TYW1: variants seen among roughly 807,000 people sequenced by gnomAD.
TYW1 encodes tRNA-yW synthesizing protein 1 homolog.
TYW1 carries 46 observed loss-of-function variants against 96.2 expected under a neutral mutation model. The ratio of observed to expected loss-of-function variants is 0.48; its 90% CI spans 0.38 to 0.61. The LOEUF is 0.61. TYW1 is among the 20% of genes least tolerant of loss of function. TYW1 has a pLI of 0.00. For synonymous variants in TYW1, 274 were observed against 323.0 expected, an observed-to-expected ratio of 0.85 and a Z score of 1.63; for missense variants, 684 against 909.6, an observed-to-expected ratio of 0.75 and a Z score of 3.19.
At chr7:67,041,692 G>A (rs1055596199) in intron 7 of TYW1, among the ~76,000 whole-genome samples, 1 of 152,160 alleles carries the variant, frequency 6.6e-6, no homozygotes, top group African/African-American at 2.4e-5. Context: ...TGCCTTAGTT[G>A]TTACTGTCGA....
chr7:67,175,678 G>C lies in TYW1; in HGVS notation c.1699-7448G>C, dbSNP rs532667200. On this transcript the variant is annotated intron_variant, in intron 13 of 15. Transcript: ENST00000359626. The stretch of plus-strand genomic sequence containing the variant: ...TTTATGATGTCATAATAAAAAGAAA[G>C]CTGGTAGGATAAGGTTAATAGATGC... Among the ~76,000 whole-genome samples the C allele has an allele frequency of 2.6e-5, 4 of 152,272 alleles. No homozygotes were observed. The East Asian group carries it at 7.7e-4, about 29-fold the overall frequency.
At chr7:67,230,523 CCT>C (rs959228357) in intron 15 of TYW1, among the ~76,000 whole-genome samples, 8 of 152,020 alleles carry the variant, frequency 5.3e-5, no homozygotes, top group African/African-American at 1.5e-4. Flanking sequence ...TCCATTTCCC[CCT>C]CTCAAGCAAC....
rs1472068437 is a variant in TYW1, at chr7:67,186,273, G to A, written c.1809+3037G>A. Among the ~76,000 whole-genome samples, 12 of 34,246 alleles carry A rather than the reference G, an allele frequency of 3.5e-4. 1 individual carries two copies. In the Admixed American group the frequency reaches 4.0e-3, roughly 11 times the overall value. The allele number at this position is 34,246 out of a possible 152,430, so 22.5% of individuals were successfully genotyped here. ...TCATTTCCTTCCTTTCTTCCCCCCC[G>A]CCCCACCTCTCCCCCCTCCTTTCTT... On this transcript the variant is annotated intron_variant, in intron 14 of 15. Transcript: ENST00000359626.
At chr7:67,047,528 A>G (rs1248375995) in intron 7 of TYW1, among the ~76,000 whole-genome samples, 1 of 152,198 alleles carries the variant, frequency 6.6e-6, no homozygotes, top group Non-Finnish European at 1.5e-5. Flanking sequence ...CCATCCAGTA[A>G]TGTGTAATTA....
At chr7:67,040,849 A>G (rs1361804185) in intron 7 of TYW1, among the ~76,000 whole-genome samples, 1 of 152,122 alleles carries the variant, frequency 6.6e-6, no homozygotes, top group Non-Finnish European at 1.5e-5. Context: ...ATCTCAAAAA[A>G]AAAAAGAAAA....
In TYW1 at chr7:67,239,289, T is replaced by C. The variant is rs1584732408; in HGVS notation, c.*760T>C. 4.1e-6 allele frequency: 4 copies of C among 985,326 alleles called. No individual in the cohort carries two copies. Among genetic ancestry groups the C allele is most frequent in the African/African-American group, 1.7e-5 (1 of 57,242 alleles). 61.0% of individuals were successfully genotyped at this position (985,326 alleles called of 1,614,324 possible). On this transcript the variant is annotated 3_prime_UTR_variant, in exon 16 of 16. Transcript: ENST00000359626. ...TTGGACTGAAGAGGATCATTTCTTTTTGTTCGTGAGGTCACTGTCCAGGCC... is the reference window on the plus strand; with the variant it reads ...TTGGACTGAAGAGGATCATTTCTTTCTGTTCGTGAGGTCACTGTCCAGGCC...
At position 67,201,978 on chromosome 7, in the gene TYW1, C is replaced by T. The variant is rs186124392; in HGVS notation, c.1977+6641C>T. On this transcript the variant is annotated intron_variant, in intron 15 of 15. Transcript: ENST00000359626. ...GCCCAACAGATGTCCAGTGTCACTG[C>T]GTTCCTCTTTAAAATTCAAGATACC... Among the ~76,000 whole-genome samples, 6 of 152,322 alleles carry T rather than the reference C, an allele frequency of 3.9e-5. No individual in the cohort carries two copies. In the East Asian group the frequency reaches 9.6e-4, roughly 24 times the overall value.
At chr7:67,173,794 G>T (rs1267161826) in intron 13 of TYW1, among the ~76,000 whole-genome samples, 1 of 145,768 alleles carries the variant, frequency 6.9e-6, no homozygotes, top group Non-Finnish European at 1.5e-5. Flanking sequence ...TTATTAAGTT[G>T]AGAAAATTTT....
At chr7:67,177,364 GAA>G (rs1011326148) in intron 13 of TYW1, among the ~76,000 whole-genome samples, 1 of 151,886 alleles carries the variant, frequency 6.6e-6, no homozygotes, top group African/African-American at 2.4e-5. Context: ...AATAAGGAAA[GAA>G]AGTGGAAATG....
At chr7:67,105,961 G>A (rs1307943070) in intron 12 of TYW1, among the ~76,000 whole-genome samples, 2 of 141,706 alleles carry the variant, frequency 1.4e-5, no homozygotes, top group Non-Finnish European at 3.0e-5. Context: ...ACACTGGTGC[G>A]ATCTCGGCTC....
chr7:67,178,277 A>G (rs1799740118), intron 13 of TYW1, among the ~76,000 whole-genome samples: 1 of 152,218 alleles, frequency 6.6e-6, no homozygotes. Context: ...ATCGTTCACT[A>G]GTAGTGTGTT....
chr7:67,018,170 G>C (rs757893736), intron 6 of TYW1, 27 bp downstream of exon 6: 103 of 1,597,688 alleles, frequency 6.4e-5, no homozygotes, highest in South Asian at 4.5e-5. Flanking sequence ...TTCATCTCTC[G>C]AGGCTTTCCT....
intron 13 of TYW1, among the ~76,000 whole-genome samples, chr7:67,118,755 C>T (rs879716938): frequency 1.3e-5 from 2 of 151,626 alleles, no homozygotes; most frequent in Non-Finnish European, 2.9e-5. Context: ...CAAAAATTAC[C>T]TGTGGTCCCA....
chr7:67,040,678 C>G (rs538031613), intron 7 of TYW1, among the ~76,000 whole-genome samples: 4 of 151,904 alleles, frequency 2.6e-5, no homozygotes, highest in Non-Finnish European at 4.4e-5. Flanking sequence ...AACCCTATCT[C>G]TACGAAAAAT....
chr7:67,121,841 T>C (rs58723885), intron 13 of TYW1, among the ~76,000 whole-genome samples: 38,274 of 146,330 alleles, frequency 0.26, 5,826 homozygotes, highest in African/African-American at 0.42. Flanking sequence ...CATTTCCAGA[T>C]CTTTATCCTT....
intron 11 of TYW1, among the ~76,000 whole-genome samples, chr7:67,087,726 G>A (rs1474688065): frequency 6.6e-6 from 1 of 152,156 alleles, no homozygotes; most frequent in African/African-American, 2.4e-5. Flanking sequence ...GTGCATTGAT[G>A]TTCTTCAGGT....
At chr7:67,002,162 C>T (rs1339538721) in intron 3 of TYW1, among the ~76,000 whole-genome samples, 2 of 151,420 alleles carry the variant, frequency 1.3e-5, no homozygotes, top group African/African-American at 4.8e-5. Flanking sequence ...ATTCTCCTGA[C>T]CCACCCTCCT....
At chr7:67,029,415 G>GTGTGTGTA (rs1241213574) in intron 7 of TYW1, among the ~76,000 whole-genome samples, 38 of 94,346 alleles carry the variant, frequency 4.0e-4, no homozygotes, top group Non-Finnish European at 5.3e-4. Flanking sequence ...GTGTGTGTGT[G>GTGTGTGTA]TATATATATA....
intron 14 of TYW1, among the ~76,000 whole-genome samples, chr7:67,187,245 G>A (rs1046465730): frequency 1.3e-5 from 2 of 151,838 alleles, no homozygotes; most frequent in South Asian, 2.1e-4. Context: ...TGTACTTTTT[G>A]TAGAGACAGG....
Sources: allele counts gnomAD v4.1 joint callset (sites outside exome capture counted in the v4.1 genomes callset), GRCh38; gene constraint gnomAD v4.1.1; transcripts MANE v1.5; gene names NCBI Gene and HGNC (gene_info 2026-07-23, HGNC 2026-07-21).